The following CPLANE1 variants were observed in gnomAD, a reference collection of about 807,000 sequenced individuals.
CPLANE1 encodes the protein ciliogenesis and planar polarity effector 1.
In CPLANE1, 263 loss-of-function variants were observed where a neutral mutation model predicts 362.5. The ratio of observed to expected loss-of-function variants is 0.73; its 90% CI spans 0.66 to 0.80. The LOEUF is 0.80. CPLANE1 is among the 30% of genes least tolerant of loss of function. CPLANE1 has a pLI of 0.00. For synonymous variants in CPLANE1, 1,212 were observed against 1,302.6 expected (o/e 0.93, Z 1.50); for missense variants, 3,461 against 3,793.4 (o/e 0.91, Z 2.30).
In CPLANE1 at chr5:37,132,746, G is replaced by A. The variant is rs541572620; in HGVS notation, c.8792+5974C>T. 3.3e-5 allele frequency among the ~76,000 whole-genome samples: 5 copies of A among 152,188 alleles called. No homozygotes were observed. The East Asian group carries it at 9.6e-4, about 29-fold the overall frequency. ...ATTCTGTAGGCTGTCTGTTTACTCT[G>A]TTGATTATTTTGCTGTGCAGAAGCT... is the stretch of plus-strand genomic sequence containing the variant. On this transcript the variant is annotated intron_variant, in intron 46 of 52. Transcript: ENST00000651892.
the CPLANE1 span, among the ~76,000 whole-genome samples, chr5:37,093,070 G>A: frequency 2.5e-4 from 38 of 152,248 alleles, no homozygotes; most frequent in East Asian, 4.2e-3. Flanking sequence ...ACCTTAGAGC[G>A]TACCCTGTCC....
downstream of CPLANE1, among the ~76,000 whole-genome samples, chr5:37,103,811 T>C (rs1757412073): frequency 6.6e-6 from 1 of 152,220 alleles, no homozygotes; most frequent in South Asian, 2.1e-4. Flanking sequence ...TTCTTTCATT[T>C]TGACCTTGGC....
intron 43 of CPLANE1, among the ~76,000 whole-genome samples, chr5:37,144,397 TAA>T (rs1176016655): frequency 2.5e-4 from 17 of 67,544 alleles, no homozygotes; most frequent in Admixed American, 5.5e-4. Flanking sequence ...AGACTTTGTC[TAA>T]AAAAAAAAAA....
intron 50 of CPLANE1, among the ~76,000 whole-genome samples, chr5:37,115,888 C>T (rs80284359): frequency 2.0e-4 from 31 of 151,856 alleles, no homozygotes; most frequent in African/African-American, 5.3e-4. Flanking sequence ...CCACCATGCC[C>T]GGCCGACTTT....
chr5:37,210,317 A>C, intron 16 of CPLANE1: 1 of 1,446,482 alleles, frequency 6.9e-7, no homozygotes, highest in Middle Eastern at 2.4e-4. Context: ...AGCTCCAGGA[A>C]GAAAAACATA....
the CPLANE1 span, among the ~76,000 whole-genome samples, chr5:37,094,193 T>C: frequency 1.2e-4 from 18 of 152,210 alleles, no homozygotes; most frequent in African/African-American, 3.9e-4. Context: ...TTGGCCAGAT[T>C]GACAAGCATA....
chr5:37,125,541 T>C, intron 46 of CPLANE1, 132 bp from the exon 47 acceptor site: 1 of 747,976 alleles, frequency 1.3e-6, no homozygotes, highest in Non-Finnish European at 2.1e-6. Context: ...TTATGTTCTC[T>C]AGTCAACTCA....
At chr5:37,195,023 C>T (rs541478861) in intron 21 of CPLANE1, among the ~76,000 whole-genome samples, 14 of 151,814 alleles carry the variant, frequency 9.2e-5, no homozygotes, top group African/African-American at 2.7e-4. Context: ...GGCACGGTGG[C>T]GGGTGCCTGT....
At chr5:37,168,328 C>T (rs1328906222) in intron 34 of CPLANE1, among the ~76,000 whole-genome samples, 2 of 152,206 alleles carry the variant, frequency 1.3e-5, no homozygotes, top group African/African-American at 2.4e-5. Flanking sequence ...CTCCACTCTA[C>T]ACACACATAA....
At chr5:37,108,228 A>C (rs1031496959) in intron 52 of CPLANE1, 65 bp downstream of exon 52, 1 of 1,460,424 alleles carries the variant, frequency 6.8e-7, no homozygotes, top group African/African-American at 1.4e-5. Context: ...AAACAAACAA[A>C]CAAACAAAAA....
At chr5:37,079,185 GTTTTACA>G in the CPLANE1 span, among the ~76,000 whole-genome samples, 727 of 152,220 alleles carry the variant, frequency 4.8e-3, 3 homozygotes, top group Admixed American at 7.2e-3. Context: ...ATAGTTTTGG[GTTTTACA>G]TTTAAGTCTT....
At chr5:37,108,923 A>G (rs1484305316) in intron 51 of CPLANE1, among the ~76,000 whole-genome samples, 3 of 152,228 alleles carry the variant, frequency 2.0e-5, no homozygotes, top group Admixed American at 1.3e-4. Context: ...GTGTGGTGAC[A>G]ATACATTATG....
intron 50 of CPLANE1, among the ~76,000 whole-genome samples, chr5:37,119,188 C>T (rs1404920282): frequency 6.6e-6 from 1 of 152,056 alleles, no homozygotes; most frequent in East Asian, 1.9e-4. Flanking sequence ...AAATAATTTT[C>T]AAAGGATAAA....
chr5:37,196,422 AG>A (rs1787460326), intron 20 of CPLANE1, among the ~76,000 whole-genome samples: 1 of 152,184 alleles, frequency 6.6e-6, no homozygotes, highest in African/African-American at 2.4e-5. Flanking sequence ...AGAATTAGAA[AG>A]ACACCATTTG....
At chr5:37,098,096 A>G in the CPLANE1 span, among the ~76,000 whole-genome samples, 2 of 152,078 alleles carry the variant, frequency 1.3e-5, no homozygotes, top group East Asian at 3.9e-4. Flanking sequence ...GGGTACTTTA[A>G]AACCTACTCA....
intron 29 of CPLANE1, 129 bp from the exon 30 acceptor site, chr5:37,177,829 A>G: frequency 1.4e-6 from 1 of 711,862 alleles, no homozygotes; most frequent in Admixed American, 2.4e-5. Context: ...TGAGAAATCA[A>G]ACAGTAAAAT....
intron 39 of CPLANE1, 98 bp downstream of exon 39, chr5:37,158,126 T>C: frequency 7.5e-7 from 1 of 1,337,714 alleles, no homozygotes; most frequent in Non-Finnish European, 1.0e-6. Context: ...AGATGAGATT[T>C]TTAACCTCAT....
At chr5:37,225,087 G>A (rs1413894290) in intron 12 of CPLANE1, among the ~76,000 whole-genome samples, 1 of 150,936 alleles carries the variant, frequency 6.6e-6, no homozygotes, top group African/African-American at 2.4e-5. Flanking sequence ...ACTCCAGCCT[G>A]GGAGACAGGG....
intron 30 of CPLANE1, among the ~76,000 whole-genome samples, chr5:37,176,884 G>A (rs767996567): frequency 3.3e-4 from 50 of 150,974 alleles, no homozygotes; most frequent in Middle Eastern, 6.8e-3. Flanking sequence ...TCAGCCTCCC[G>A]AGTAGCTGTA....
Sources: allele counts gnomAD v4.1 joint callset (sites outside exome capture counted in the v4.1 genomes callset), GRCh38; gene constraint gnomAD v4.1.1; transcripts MANE v1.5; gene names NCBI Gene and HGNC (gene_info 2026-07-23, HGNC 2026-07-21).